ZBTB38: variants seen among roughly 807,000 people sequenced by gnomAD.
The protein encoded by ZBTB38 is zinc finger and BTB domain containing 38, also known as zinc finger and BTB domain-containing protein 38.
A neutral mutation model predicts 76.8 loss-of-function variants in ZBTB38; 20 were observed. That is an observed-to-expected ratio of 0.26 (90% CI 0.18 to 0.38). The LOEUF (loss-of-function observed/expected upper bound fraction) is 0.38, where lower values mean the gene tolerates loss of function less well. Ranked by LOEUF, ZBTB38 falls within the 10% of genes least tolerant of loss-of-function variation. The pLI, the probability that ZBTB38 is intolerant of heterozygous loss-of-function variation, is 1.00. For missense variants in ZBTB38, 1,082 were observed against 1,482.3 expected, an observed-to-expected ratio of 0.73 and a Z score of 4.43; for synonymous variants, 504 against 544.2, an observed-to-expected ratio of 0.93 and a Z score of 1.03.
intron 5 of ZBTB38, among the ~76,000 whole-genome samples, chr3:141,431,355 T>TATATATATATATATATATATATA (rs1362541027): frequency 2.2e-5 from 3 of 137,948 alleles, no homozygotes; most frequent in African/African-American, 9.1e-5. Flanking sequence ...TATATATATA[T>TATATATATATATATATATATATA]TTGGGGGGGA....
chr3:141,389,363 T>C (rs1948118141), intron 4 of ZBTB38: 1 of 152,136 alleles, frequency 6.6e-6, no homozygotes, highest in African/African-American at 2.4e-5. Flanking sequence ...TTGGAGTCTT[T>C]CTCTGGTTCA....
chr3:141,369,432 C>A (rs1944223448), intron 1 of ZBTB38, among the ~76,000 whole-genome samples: 1 of 152,220 alleles, frequency 6.6e-6, no homozygotes. Context: ...CACAAAGACA[C>A]AATGTGTCTG....
chr3:141,445,070 C>T lies in ZBTB38; in HGVS notation c.2682C>T (p.Ser894=), dbSNP rs376162018. The change falls in exon 6 of 6, where the codon TCC becomes TCT. Residue 894 remains serine (S), a synonymous_variant. Transcript: ENST00000321464. This position sits in a 1 kb window ranked among gnomAD's most constrained non-coding sequence, Gnocchi z 6.5. ...SGDSPLGLCQ[S]ECMEMSEVFD... ...ACAGCCCACTCGGGCTTTGCCAATC[C>T]GAGTGCATGGAGATGAGTGAAGTGT... 28 of 1,614,100 alleles carry T rather than the reference C, an allele frequency of 1.7e-5. No individual in the cohort carries two copies. Among genetic ancestry groups the T allele is most frequent in the Middle Eastern group, 1.6e-4 (1 of 6,062 alleles).
At chr3:141,401,920 C>T (rs1469037589) in intron 4 of ZBTB38, among the ~76,000 whole-genome samples, 1 of 152,226 alleles carries the variant, frequency 6.6e-6, no homozygotes, top group African/African-American at 2.4e-5. Flanking sequence ...ACAGGTGACT[C>T]CTTATTCCTG....
At chr3:141,348,340 C>T (rs778243474) in intron 1 of ZBTB38, among the ~76,000 whole-genome samples, 8 of 152,184 alleles carry the variant, frequency 5.3e-5, no homozygotes, top group Non-Finnish European at 1.0e-4. Context: ...AATATACATG[C>T]TGATTTCCAG....
At chr3:141,439,663 T>A (rs1470422231) in intron 5 of ZBTB38, among the ~76,000 whole-genome samples, 2 of 152,212 alleles carry the variant, frequency 1.3e-5, no homozygotes, top group East Asian at 3.8e-4. Context: ...AAAGGGAGGT[T>A]CAGGATGCTG....
At chr3:141,385,165 A>G (rs1946782584) in intron 3 of ZBTB38, among the ~76,000 whole-genome samples, 1 of 152,228 alleles carries the variant, frequency 6.6e-6, no homozygotes, top group Admixed American at 6.5e-5. Flanking sequence ...TAGCAACCCC[A>G]GAAAATATTA....
intron 5 of ZBTB38, among the ~76,000 whole-genome samples, chr3:141,441,755 A>G (rs972184227): frequency 6.6e-6 from 1 of 152,170 alleles, no homozygotes; most frequent in African/African-American, 2.4e-5. Flanking sequence ...GTCTCTACCA[A>G]CAATACAAAA....
At chr3:141,340,961 A>AAGAAAAGAAAAGAAAAGAAAGAAGGAAG (rs1559913218) in intron 1 of ZBTB38, among the ~76,000 whole-genome samples, 24 of 128,906 alleles carry the variant, frequency 1.9e-4, no homozygotes, top group African/African-American at 7.1e-4. Flanking sequence ...AAAGAAAGAA[A>AAGAAAAGAAAAGAAAAGAAAGAAGGAAG]GAAAGAAAGA....
chr3:141,382,314 C>A (rs1946314648), intron 3 of ZBTB38, among the ~76,000 whole-genome samples: 1 of 152,208 alleles, frequency 6.6e-6, no homozygotes, highest in Non-Finnish European at 1.5e-5. Flanking sequence ...AACACTCTAA[C>A]AACCTGATAA....
intron 4 of ZBTB38, among the ~76,000 whole-genome samples, chr3:141,391,743 G>A (rs1231472037): frequency 4.6e-5 from 7 of 152,170 alleles, no homozygotes; most frequent in Non-Finnish European, 1.0e-4. Context: ...GATAGTCATT[G>A]AATTTTTTTC....
chr3:141,364,543 G>A (rs1943904901), upstream of ZBTB38, among the ~76,000 whole-genome samples: 1 of 151,810 alleles, frequency 6.6e-6, no homozygotes, highest in South Asian at 2.1e-4. Flanking sequence ...CAGGTGTGGT[G>A]GCACATGCCT....
chr3:141,329,865 AC>A (rs575524922), intron 1 of ZBTB38, among the ~76,000 whole-genome samples: 279 of 152,226 alleles, frequency 1.8e-3, no homozygotes, highest in Non-Finnish European at 2.9e-3. Flanking sequence ...ACGGTGGCTC[AC>A]GCCTGTAATC....
chr3:141,429,674 T>A (rs971345948), intron 5 of ZBTB38, among the ~76,000 whole-genome samples: 1 of 152,080 alleles, frequency 6.6e-6, no homozygotes, highest in Non-Finnish European at 1.5e-5. Context: ...GTAAGCAGTA[T>A]GAAGAAATAA....
intron 1 of ZBTB38, among the ~76,000 whole-genome samples, chr3:141,329,241 A>G (rs1559908914): frequency 6.6e-6 from 1 of 152,222 alleles, no homozygotes; most frequent in Non-Finnish European, 1.5e-5. Flanking sequence ...TCAAAAATAT[A>G]GATGAGTATG....
At chr3:141,328,752 G>T (rs143403537) in intron 1 of ZBTB38, among the ~76,000 whole-genome samples, 20 of 152,214 alleles carry the variant, frequency 1.3e-4, no homozygotes, top group African/African-American at 4.8e-4. Context: ...ATGCAGCCAG[G>T]CTTCTCTGCC....
chr3:141,425,629 C>T (rs560881593), intron 5 of ZBTB38, among the ~76,000 whole-genome samples: 1 of 152,256 alleles, frequency 6.6e-6, no homozygotes, highest in Non-Finnish European at 1.5e-5. Context: ...GCCTGTACCC[C>T]ACACGTGGCA....
chr3:141,350,416 C>T (rs748799658), intron 1 of ZBTB38, among the ~76,000 whole-genome samples: 3 of 152,128 alleles, frequency 2.0e-5, no homozygotes, highest in Non-Finnish European at 4.4e-5. Flanking sequence ...CCTTTCTGAG[C>T]ATCTTTGTCA....
intron 5 of ZBTB38, among the ~76,000 whole-genome samples, chr3:141,429,450 T>C (rs1577365089): frequency 2.0e-5 from 3 of 152,170 alleles, no homozygotes; most frequent in African/African-American, 7.2e-5. Flanking sequence ...TTGCTTTTTT[T>C]AGTCGGGGTG....
Sources: gnomAD v4.1 joint callset for allele counts (sites outside exome capture counted in the v4.1 genomes callset) on GRCh38, gnomAD v4.1.1 for gene constraint, Gnocchi (gnomAD v3.1) non-coding constraint, MANE v1.5 for transcripts, NCBI Gene and HGNC (gene_info 2026-07-23, HGNC 2026-07-21) for gene names.